Variants in DNAH11 observed in about 807,000 individuals in gnomAD.
DNAH11 encodes the protein axonemal beta dynein heavy chain 11.
In DNAH11, 442 loss-of-function variants were observed where a neutral mutation model predicts 526.0. That is an observed-to-expected ratio of 0.84 (90% CI 0.78 to 0.91). The LOEUF (loss-of-function observed/expected upper bound fraction) is 0.91, where lower values mean the gene tolerates loss of function less well. DNAH11 is among the 40% of genes least tolerant of loss of function. The pLI, the probability that DNAH11 is intolerant of heterozygous loss-of-function variation, is 0.00. For synonymous variants in DNAH11, 2,461 were observed against 1,935.9 expected (o/e 1.27, Z -7.12); for missense variants, 6,989 against 5,448.7 (o/e 1.28, Z -8.90).
chr7:21,845,854 G>C (rs1782396893), intron 66 of DNAH11, among the ~76,000 whole-genome samples: 1 of 152,088 alleles, frequency 6.6e-6, no homozygotes. Context: ...ACAATATTGA[G>C]ACTTCCTATT....
intron 61 of DNAH11, among the ~76,000 whole-genome samples, chr7:21,800,562 A>G (rs3735523): frequency 0.61 from 92,722 of 152,062 alleles, 30,390 homozygotes; most frequent in East Asian, 0.92. Flanking sequence ...AACCTGGGGG[A>G]CAGAGGTTGC....
At chr7:21,629,045 C>G (rs1786478279) in intron 25 of DNAH11, among the ~76,000 whole-genome samples, 1 of 152,098 alleles carries the variant, frequency 6.6e-6, no homozygotes, top group South Asian at 2.1e-4. Flanking sequence ...GCTTATTGCT[C>G]TAAACTTTCC....
rs12539987 is a variant in DNAH11, at chr7:21,617,512, C to G, written c.4096-107C>G. 980,924 of 1,317,028 alleles carry G rather than the reference C, an allele frequency of 0.74. 370,437 individuals carry two copies. Among genetic ancestry groups the G allele is most frequent in the Non-Finnish European group, 0.78 (751,498 of 959,646 alleles). The allele number at this position is 1,317,028 out of a possible 1,614,324, so 81.6% of individuals were successfully genotyped here. ...TGGTCTAGGAGTTCAAATGCTTTCA[C>G]TCTTTTCTAATCCAGGAGTTGGGAA... On this transcript the variant is annotated intron_variant, in intron 22 of 81. Transcript: ENST00000409508.
At chr7:21,873,251 T>C in intron 73 of DNAH11, 23 bp from the exon 74 acceptor site, 1 of 1,537,940 alleles carries the variant, frequency 6.5e-7, no homozygotes, top group Non-Finnish European at 8.8e-7. Flanking sequence ...TTCACAGGAA[T>C]TATGCACCAT....
At chr7:21,895,831 G>A (rs551434907) in intron 79 of DNAH11, among the ~76,000 whole-genome samples, 23 of 152,254 alleles carry the variant, frequency 1.5e-4, no homozygotes, top group African/African-American at 4.3e-4. Flanking sequence ...CCGGGTTCAC[G>A]CCATTCTCCT....
chr7:21,606,457 A>G lies in DNAH11; in HGVS notation c.3680A>G (p.Lys1227Arg), dbSNP rs866751313. The G allele has an allele frequency of 1.2e-6, 2 of 1,606,460 alleles. No homozygotes were observed. The highest frequency in any genetic ancestry group is 1.7e-6 in the Non-Finnish European group (2 of 1,178,088). Residue 1227 changes from lysine (K) to arginine (R), a missense_variant, in exon 19 of 82, where the codon AAG (lysine) becomes AGG (arginine). Coordinates refer to ENST00000409508, the MANE Select transcript of DNAH11 (RefSeq NM_001277115.2). Reference sequence around the variant, plus strand: ...CCTGAAAGATGGGAAACTACCAAAAAGATCGCAGCAACTGTCAGACATGAA... The same window carrying G: ...CCTGAAAGATGGGAAACTACCAAAAGGATCGCAGCAACTGTCAGACATGAA... ...ELPERWETTKKIAATVRHEVS... is the reference protein window; with the variant it reads ...ELPERWETTKRIAATVRHEVS...
chr7:21,604,889 A>T (rs916033377), intron 18 of DNAH11, among the ~76,000 whole-genome samples: 1 of 152,178 alleles, frequency 6.6e-6, no homozygotes, highest in Non-Finnish European at 1.5e-5. Flanking sequence ...CAGAGGGCGG[A>T]TGCAGAGTTT....
chr7:21,710,305 TTA>T (rs967114236), intron 40 of DNAH11, among the ~76,000 whole-genome samples: 9 of 152,188 alleles, frequency 5.9e-5, no homozygotes, highest in African/African-American at 2.2e-4. Flanking sequence ...AAGGTTTTTG[TTA>T]TCTCTGTTTG....
rs372970766 is a variant in DNAH11, at chr7:21,786,712, G to C, written c.9686G>C (p.Arg3229Pro). 3.7e-6 allele frequency: 6 copies of C among 1,613,798 alleles called. 1 individual carries two copies. The South Asian group carries it at 6.6e-5, about 18-fold the overall frequency. ...TAAVMVLLAP[R>P]GRVPKDRSWK... ...GCCGTGATGGTCCTTCTGGCTCCTC[G>C]GGGAAGAGTGCCCAAAGACCGAAGT... is the stretch of plus-strand genomic sequence containing the variant. The change falls in exon 59 of 82, where the codon CGG becomes CCG. Residue 3229 changes from arginine to proline, a missense_variant. Coordinates refer to ENST00000409508, the MANE Select transcript of DNAH11 (RefSeq NM_001277115.2).
At chr7:21,833,441 C>G (rs1474329653) in intron 65 of DNAH11, among the ~76,000 whole-genome samples, 1 of 152,080 alleles carries the variant, frequency 6.6e-6, no homozygotes, top group Non-Finnish European at 1.5e-5. Context: ...GCCTGTAATG[C>G]CAGCACTTTG....
At chr7:21,630,009 C>G (rs111745478) in intron 25 of DNAH11, among the ~76,000 whole-genome samples, 1 of 151,728 alleles carries the variant, frequency 6.6e-6, no homozygotes, top group Non-Finnish European at 1.5e-5. Context: ...TACTGCCTTC[C>G]TTTATTGTTA....
At chr7:21,572,014 T>G (rs754140138) in intron 8 of DNAH11, 41 bp downstream of exon 8, 2 of 1,428,958 alleles carry the variant, frequency 1.4e-6, no homozygotes, top group Non-Finnish European at 1.8e-6. Context: ...TGGGATCCTA[T>G]AATTTTATAG....
chr7:21,690,382 C>T (rs191749861), intron 34 of DNAH11, among the ~76,000 whole-genome samples: 3 of 152,266 alleles, frequency 2.0e-5, no homozygotes, highest in East Asian at 1.9e-4. Context: ...GTCCCTTTCT[C>T]CTCTTAGTAT....
At chr7:21,570,887 A>AC (rs1267255236) in intron 7 of DNAH11, among the ~76,000 whole-genome samples, 2 of 76,048 alleles carry the variant, frequency 2.6e-5, no homozygotes, top group Non-Finnish European at 4.9e-5. Context: ...TTAGTTTAAA[A>AC]AAAAAAAAAA....
intron 58 of DNAH11, among the ~76,000 whole-genome samples, chr7:21,785,659 T>A (rs1279141424): frequency 1.3e-5 from 2 of 151,022 alleles, no homozygotes; most frequent in East Asian, 3.9e-4. Context: ...TACTCTTTAC[T>A]CAGGCAAAAT....
intron 9 of DNAH11, among the ~76,000 whole-genome samples, chr7:21,584,537 C>A (rs528523888): frequency 6.6e-6 from 1 of 152,040 alleles, no homozygotes; most frequent in African/African-American, 2.4e-5. Context: ...TGTAACAAAC[C>A]TGCACATTGT....
intron 65 of DNAH11, among the ~76,000 whole-genome samples, chr7:21,818,913 G>A (rs1789933951): frequency 6.6e-6 from 1 of 152,110 alleles, no homozygotes; most frequent in Admixed American, 6.5e-5. Context: ...GGAGCTATAT[G>A]TGACTTTCTA....
chr7:21,698,241 G>A, intron 36 of DNAH11, 28 bp downstream of exon 36: 1 of 1,610,750 alleles, frequency 6.2e-7, no homozygotes, highest in Non-Finnish European at 8.5e-7. Flanking sequence ...ACGTTTTCTT[G>A]TTTTTACATA....
At chr7:21,704,920 CT>C (rs762754884) in intron 38 of DNAH11, among the ~76,000 whole-genome samples, 1 of 152,142 alleles carries the variant, frequency 6.6e-6, no homozygotes, top group Non-Finnish European at 1.5e-5. Flanking sequence ...TAAAAATTTA[CT>C]TTGTTCTTTC....
Sources: allele counts gnomAD v4.1 joint callset (sites outside exome capture counted in the v4.1 genomes callset), GRCh38; gene constraint gnomAD v4.1.1; transcripts MANE v1.5; gene names NCBI Gene and HGNC (gene_info 2026-07-23, HGNC 2026-07-21).